FAP: variants seen among roughly 807,000 people sequenced by gnomAD.
FAP encodes the protein prolyl endopeptidase FAP.
Under a neutral mutation model 126.5 loss-of-function variants are expected in FAP, and 110 were observed. That is an observed-to-expected ratio of 0.87 (90% confidence interval 0.74 to 1.02). FAP has a LOEUF of 1.02. Ranked by LOEUF, FAP falls within the 50% of genes least tolerant of loss-of-function variation. The pLI is 0.00. For missense variants in FAP, 919 were observed against 909.2 expected (o/e 1.01, Z -0.14); for synonymous variants, 334 against 297.3 (o/e 1.12, Z -1.27).
At chr2:162,215,565 C>T (rs1689129833) in intron 10 of FAP, among the ~76,000 whole-genome samples, 1 of 152,142 alleles carries the variant, frequency 6.6e-6, no homozygotes, top group South Asian at 2.1e-4. Context: ...CACATAGATC[C>T]ACAAACCCTG....
chr2:162,224,612 AG>A, intron 4 of FAP, 72 bp from the exon 5 acceptor site: 1 of 898,254 alleles, frequency 1.1e-6, no homozygotes, highest in East Asian at 2.6e-5. Flanking sequence ...TAGTTTTAAA[AG>A]AATATTATAT....
chr2:162,226,073 C>T (rs1689634412), intron 3 of FAP, among the ~76,000 whole-genome samples: 1 of 152,022 alleles, frequency 6.6e-6, no homozygotes, highest in Admixed American at 6.6e-5. Context: ...ATTAGATTTG[C>T]TTTATAACAT....
rs775357034 is a variant in FAP at position 162,213,914 on chromosome 2, A to G, written c.1002+24T>C. 9 of 1,605,656 alleles carry G rather than the reference A, an allele frequency of 5.6e-6. No homozygotes were observed. In the Admixed American group the frequency reaches 1.3e-4, roughly 24 times the overall value. On this transcript the variant is annotated intron_variant, in intron 11 of 25. Coordinates refer to ENST00000188790, the MANE Select transcript of FAP (RefSeq NM_004460.5). ...TGTGCCTTGATCTTCAGAAATACGT[A>G]TCTGTGATCTTAATATACCCTACCT... is the stretch of plus-strand genomic sequence containing the variant.
intron 6 of FAP, among the ~76,000 whole-genome samples, chr2:162,221,159 G>C (rs1403696681): frequency 6.6e-6 from 1 of 152,112 alleles, no homozygotes; most frequent in Non-Finnish European, 1.5e-5. Flanking sequence ...GCTGCAATGA[G>C]AGTCCTGGCC....
At chr2:162,240,246 G>A (rs1040091130) in intron 2 of FAP, among the ~76,000 whole-genome samples, 6 of 152,040 alleles carry the variant, frequency 3.9e-5, no homozygotes, top group Admixed American at 1.3e-4. Context: ...TACAAGTTTC[G>A]AAAAAAGTTT....
In FAP at chr2:162,217,356, G is replaced by C. The variant is rs372257433; in HGVS notation, c.762+630C>G. On this transcript the variant is annotated intron_variant, in intron 9 of 25. Coordinates refer to ENST00000188790, the MANE Select transcript of FAP (RefSeq NM_004460.5). ...TGATATCATTTTTACATTGAAATTA[G>C]GATATAATGCTTCTTCACTGAGACC... is the stretch of plus-strand genomic sequence containing the variant. 2.0e-5 allele frequency among the ~76,000 whole-genome samples: 3 copies of C among 152,248 alleles called. No homozygotes were observed. In the East Asian group the frequency reaches 5.8e-4, roughly 29 times the overall value.
chr2:162,236,339 T>C (rs559766095), intron 2 of FAP, among the ~76,000 whole-genome samples: 37 of 152,318 alleles, frequency 2.4e-4, no homozygotes, highest in African/African-American at 8.9e-4. Flanking sequence ...GGAAGTGTTT[T>C]CTTTCATTTT....
chr2:162,189,317 A>C (rs976020514), intron 18 of FAP, 145 bp from the exon 19 acceptor site: 23 of 497,034 alleles, frequency 4.6e-5, no homozygotes, highest in Non-Finnish European at 7.0e-5. Context: ...AGTAACTTTT[A>C]TTAAATTTTT....
chr2:162,219,396 C>T (rs927149649), intron 7 of FAP, among the ~76,000 whole-genome samples: 1 of 151,986 alleles, frequency 6.6e-6, no homozygotes, highest in African/African-American at 2.4e-5. Flanking sequence ...AAAAATAAAG[C>T]CTATTATTTT....
At chr2:162,189,534 G>A (rs1576146383) in intron 18 of FAP, 122 bp downstream of exon 18, 1 of 608,816 alleles carries the variant, frequency 1.6e-6, no homozygotes, top group South Asian at 2.1e-5. Context: ...TATTTTAAAT[G>A]AAATCCTGTA....
rs267598947 is a variant in FAP at position 162,215,962 on chromosome 2, C to T, written c.802G>A (p.Asp268Asn). 2.0e-5 allele frequency: 32 copies of T among 1,613,806 alleles called. No individual in the cohort carries two copies. The highest frequency in any genetic ancestry group is 1.4e-4 in the South Asian group (13 of 91,072). The change falls in exon 10 of 26, where the codon GAT (aspartate) becomes AAT (asparagine). Residue 268 changes from aspartate to asparagine, a missense_variant. By Grantham distance (23) the Asp-to-Asn change is conservative (BLOSUM62 1). Coordinates refer to ENST00000188790, the MANE Select transcript of FAP (RefSeq NM_004460.5). ...KNPVVRIFII[D>N]TTYPAYVGPQ... ...CCTACATACGCAGGGTAAGTGGTAT[C>T]GATAATAAATATCCGAACAACGGGA... is the stretch of plus-strand genomic sequence containing the variant.
intron 2 of FAP, among the ~76,000 whole-genome samples, chr2:162,227,715 G>A (rs967518274): frequency 2.0e-5 from 3 of 152,060 alleles, no homozygotes; most frequent in Non-Finnish European, 4.4e-5. Flanking sequence ...TACAGACACC[G>A]GCTGGTGTGG....
At chr2:162,232,416 TAAAGTA>T (rs1167506448) in intron 2 of FAP, among the ~76,000 whole-genome samples, 1 of 152,104 alleles carries the variant, frequency 6.6e-6, no homozygotes, top group African/African-American at 2.4e-5. Flanking sequence ...ATACTATAAT[TAAAGTA>T]TAAGTGTACA....
intron 23 of FAP, among the ~76,000 whole-genome samples, 165 bp from the exon 24 acceptor site, chr2:162,173,386 C>T (rs1687382009): frequency 6.6e-6 from 1 of 152,026 alleles, no homozygotes; most frequent in African/African-American, 2.4e-5. Context: ...ATTTGCATTA[C>T]TTCCATCTGA....
At chr2:162,193,681 G>C (rs529485873) in intron 17 of FAP, 5 of 151,840 alleles carry the variant, frequency 3.3e-5, no homozygotes, top group African/African-American at 9.7e-5. Context: ...TAGACACAAG[G>C]TTTCAAAAAA....
chr2:162,203,049 C>T lies in FAP; in HGVS notation c.1144G>A (p.Asp382Asn). 1 of 1,611,582 alleles carries T rather than the reference C, an allele frequency of 6.2e-7. No homozygotes were observed. The highest frequency in any genetic ancestry group is 8.5e-7 in the Non-Finnish European group (1 of 1,177,870). Residue 382 changes from aspartate to asparagine, a missense_variant, in exon 13 of 26, where the codon GAC becomes AAC. Asp to Asn is a conservative substitution (Grantham distance 23, BLOSUM62 1). Transcript: ENST00000188790. ...TCTTGGAAGGAACGTACCACAGTGT[C>T]TTTGATATAGTGAATATGTTTGTAG... ...DGYKHIHYIK[D>N]TVENAIQITS...
intron 2 of FAP, among the ~76,000 whole-genome samples, chr2:162,241,245 TGTTA>T (rs1419046731): frequency 6.6e-6 from 1 of 152,234 alleles, no homozygotes; most frequent in African/African-American, 2.4e-5. Context: ...AGAATTTTCC[TGTTA>T]GTTGAAAATA....
intron 3 of FAP, among the ~76,000 whole-genome samples, chr2:162,226,289 T>C (rs116508889): frequency 1.3e-3 from 204 of 152,248 alleles, no homozygotes; most frequent in African/African-American, 4.8e-3. Flanking sequence ...AACAATGCAT[T>C]TTCAACTTTT....
At position 162,194,814 on chromosome 2, in the gene FAP, C is replaced by T. The variant is rs1390037071; in HGVS notation, c.1403-66G>A. The T allele has an allele frequency of 9.9e-6, 14 of 1,407,790 alleles. No individual in the cohort carries two copies. The East Asian group carries it at 2.3e-4, about 23-fold the overall frequency. The allele number at this position is 1,407,790 out of a possible 1,614,324, so 87.2% of individuals were successfully genotyped here. A position where few individuals can be genotyped will look rare whatever the true frequency, so the allele number is the denominator to read the frequency against. Reference sequence around the variant, plus strand: ...AATAACAATTCCTTTTCAAGACGGGCTGCTGGTAGTATTTGTGATTAGTGT... The same window carrying T: ...AATAACAATTCCTTTTCAAGACGGGTTGCTGGTAGTATTTGTGATTAGTGT... On this transcript the variant is annotated intron_variant, in intron 16 of 25. Transcript: ENST00000188790.
Sources: gnomAD v4.1 joint callset for allele counts (sites outside exome capture counted in the v4.1 genomes callset) on GRCh38, gnomAD v4.1.1 for gene constraint, MANE v1.5 for transcripts, NCBI Gene and HGNC (gene_info 2026-07-23, HGNC 2026-07-21) for gene names.